The following WDR64 variants were observed in gnomAD, a reference collection of about 807,000 sequenced individuals.
WDR64 encodes the protein WD repeat-containing protein 64.
WDR64 carries 112 observed loss-of-function variants against 139.3 expected under a neutral mutation model. The ratio of observed to expected loss-of-function variants is 0.80; its 90% CI spans 0.69 to 0.94. The LOEUF is 0.94. Ranked by LOEUF, WDR64 falls within the 40% of genes least tolerant of loss-of-function variation. The pLI, the probability that WDR64 is intolerant of heterozygous loss-of-function variation, is 0.00. For missense variants in WDR64, 1,206 were observed against 1,293.1 expected (o/e 0.93, Z 1.03); for synonymous variants, 444 against 437.7 (o/e 1.01, Z -0.18).
intron 10 of WDR64, among the ~76,000 whole-genome samples, chr1:241,729,193 T>C (rs923596977): frequency 2.0e-5 from 3 of 152,180 alleles, no homozygotes; most frequent in Non-Finnish European, 2.9e-5. Context: ...GTCTCTGAAA[T>C]GTGTCTCCTG....
chr1:241,660,173 C>G (rs1419235035), intron 1 of WDR64, among the ~76,000 whole-genome samples: 1 of 152,132 alleles, frequency 6.6e-6, no homozygotes, highest in African/African-American at 2.4e-5. Flanking sequence ...ATAGGGAATC[C>G]TTTCCCCATT....
chr1:241,717,011 T>A (rs1668430379), intron 9 of WDR64, among the ~76,000 whole-genome samples: 1 of 152,208 alleles, frequency 6.6e-6, no homozygotes, highest in Non-Finnish European at 1.5e-5. Flanking sequence ...CATCCAGGAA[T>A]GATAATGCCC....
chr1:241,771,762 G>A, intron 19 of WDR64, 65 bp downstream of exon 19: 1 of 1,092,896 alleles, frequency 9.2e-7, no homozygotes, highest in Non-Finnish European at 1.2e-6. Flanking sequence ...GCATTTAGGT[G>A]ACAGAGTATT....
chr1:241,719,718 A>T lies in WDR64; in HGVS notation c.1055-3579A>T, dbSNP rs539252126. ...AAATCCAATATACATCAGGAAATAC[A>T]TCCTAATGGGTGGCCCAATATATAA... is the stretch of plus-strand genomic sequence containing the variant. On this transcript the variant is annotated intron_variant, in intron 9 of 27. Transcript: ENST00000437684. Among the ~76,000 whole-genome samples the T allele has an allele frequency of 5.9e-5, 9 of 152,310 alleles. No homozygotes were observed. In the East Asian group the frequency reaches 1.7e-3, roughly 29 times the overall value.
At chr1:241,687,852 G>A (rs759072606) in intron 8 of WDR64, among the ~76,000 whole-genome samples, 10 of 152,102 alleles carry the variant, frequency 6.6e-5, no homozygotes, top group African/African-American at 1.4e-4. Flanking sequence ...TAATCAATAC[G>A]AGTGCATCTA....
chr1:241,674,101 T>G (rs1666358912), intron 3 of WDR64, among the ~76,000 whole-genome samples: 1 of 152,082 alleles, frequency 6.6e-6, no homozygotes, highest in Admixed American at 6.6e-5. Context: ...GGAATTAATG[T>G]ACCACATTTA....
intron 15 of WDR64, among the ~76,000 whole-genome samples, chr1:241,760,695 T>C (rs1316257695): frequency 6.7e-6 from 1 of 148,972 alleles, no homozygotes; most frequent in Non-Finnish European, 1.5e-5. Flanking sequence ...CAAATTAAAG[T>C]ATATACATAT....
chr1:241,675,442 G>A (rs1666514460), intron 4 of WDR64, among the ~76,000 whole-genome samples: 1 of 152,064 alleles, frequency 6.6e-6, no homozygotes, highest in Non-Finnish European at 1.5e-5. Flanking sequence ...GGAGATTGCT[G>A]TGCTCTGTGG....
intron 14 of WDR64, among the ~76,000 whole-genome samples, chr1:241,750,471 T>C (rs1046548546): frequency 1.4e-4 from 22 of 152,224 alleles, no homozygotes; most frequent in African/African-American, 4.8e-4. Context: ...CTGCCTGATG[T>C]AATATACTCT....
At chr1:241,745,954 G>A (rs1021660790) in intron 13 of WDR64, among the ~76,000 whole-genome samples, 1 of 152,178 alleles carries the variant, frequency 6.6e-6, no homozygotes, top group African/African-American at 2.4e-5. Flanking sequence ...TGGACAAGGA[G>A]ATTGTCCTCT....
At position 241,738,430 on chromosome 1, in the gene WDR64, C is replaced by T. The variant is rs762658250; in HGVS notation, c.1262C>T (p.Pro421Leu). The change falls in exon 11 of 28, where the codon CCA becomes CTA. Residue 421 changes from proline (P) to leucine (L), a missense_variant. Pro to Leu is a moderately conservative substitution (Grantham distance 98). Transcript: ENST00000437684. ...GTCTTCCATGACAGCCAGGGAGGAC[C>T]AGGAGACATGCAGATTTACTCTATG... ...LQVFHDSQGG[P>L]GDMQIYSMIY... The T allele has an allele frequency of 6.2e-7, 1 of 1,613,692 alleles. No homozygotes were observed. Among genetic ancestry groups the T allele is most frequent in the Non-Finnish European group, 8.5e-7 (1 of 1,179,858 alleles).
Position 241,770,609 on chromosome 1 carries a change from C to T in WDR64, c.2184-12C>T, listed in dbSNP as rs1206963867. On this transcript the variant is annotated splice_polypyrimidine_tract_variant and intron_variant, in intron 17 of 27. Coordinates refer to ENST00000437684, the MANE Select transcript of WDR64 (RefSeq NM_001367482.1). ...AAAGTTTTACCTGTGGGCTTCCCCA[C>T]TCCCCTTATAGGAGATCAAGTCAGG... 2.6e-6 allele frequency: 4 copies of T among 1,549,480 alleles called. No individual in the cohort carries two copies. Among genetic ancestry groups the T allele is most frequent in the Non-Finnish European group, 3.5e-6 (4 of 1,145,960 alleles).
At chr1:241,712,697 G>T (rs771823651) in intron 9 of WDR64, among the ~76,000 whole-genome samples, 6 of 152,166 alleles carry the variant, frequency 3.9e-5, no homozygotes, top group Non-Finnish European at 7.4e-5. Context: ...GAATTAAACT[G>T]ACTGGGCTCC....
Position 241,801,346 on chromosome 1 carries a change from G to T in WDR64, c.*131G>T. On this transcript the variant is annotated 3_prime_UTR_variant, in exon 28 of 28. Transcript: ENST00000437684. ...ATCTCTGGTGTCAGGCCATCCTATTGATGGGAAAGATTGCTTAGGGAGTTC... is the reference window on the plus strand; with the variant it reads ...ATCTCTGGTGTCAGGCCATCCTATTTATGGGAAAGATTGCTTAGGGAGTTC... 1.4e-6 allele frequency: 1 copy of T among 734,464 alleles called. No individual in the cohort carries two copies. The highest frequency in any genetic ancestry group is 2.2e-6 in the Non-Finnish European group (1 of 452,300). The allele number at this position is 734,464 out of a possible 1,614,324, so 45.5% of individuals were successfully genotyped here.
intron 8 of WDR64, among the ~76,000 whole-genome samples, chr1:241,702,035 A>G (rs1457108874): frequency 2.6e-5 from 4 of 152,210 alleles, no homozygotes. Flanking sequence ...GTAATTTTGT[A>G]TGGTAATTTC....
intron 1 of WDR64, among the ~76,000 whole-genome samples, chr1:241,654,138 C>T (rs1665485711): frequency 6.6e-6 from 1 of 152,184 alleles, no homozygotes; most frequent in Non-Finnish European, 1.5e-5. Flanking sequence ...TCACTGAAAG[C>T]AGCAGCTGTC....
At chr1:241,788,467 G>A (rs905646734) in intron 24 of WDR64, among the ~76,000 whole-genome samples, 8 of 152,176 alleles carry the variant, frequency 5.3e-5, no homozygotes, top group African/African-American at 1.9e-4. Context: ...ACCCTAGATG[G>A]TGAATGTCAA....
chr1:241,655,705 C>T (rs200224966), intron 1 of WDR64, among the ~76,000 whole-genome samples: 302 of 29,020 alleles, frequency 0.01, 1 homozygote, highest in African/African-American at 0.013. Context: ...TTTTTCTTTT[C>T]TTTTTTTTTT....
At chr1:241,771,636 T>C in intron 18 of WDR64, 25 bp from the exon 19 acceptor site, 1 of 1,468,670 alleles carries the variant, frequency 6.8e-7, no homozygotes, top group Non-Finnish European at 9.0e-7. Flanking sequence ...ATGGAAGTCT[T>C]TTCTCTTTTC....
Sources: allele counts gnomAD v4.1 joint callset (sites outside exome capture counted in the v4.1 genomes callset), GRCh38; gene constraint gnomAD v4.1.1; transcripts MANE v1.5; gene names NCBI Gene and HGNC (gene_info 2026-07-23, HGNC 2026-07-21).